Variants in SLC9A9 observed in about 807,000 individuals in gnomAD.
SLC9A9 encodes the protein solute carrier family 9 member A9.
In SLC9A9, 62 loss-of-function variants were observed where a neutral mutation model predicts 77.8. The observed-to-expected ratio is 0.80, with a 90% CI of 0.65 to 0.98. The LOEUF (loss-of-function observed/expected upper bound fraction) is 0.98, where lower values mean the gene tolerates loss of function less well. Among genes scored for constraint, SLC9A9 ranks in the 50% least tolerant of loss-of-function variants. The probability of loss-of-function intolerance (pLI) is 0.00; values close to 1 mark genes in which losing one functional copy is unlikely to be tolerated. For missense variants in SLC9A9, 775 were observed against 774.9 expected (o/e 1.00, Z 0.00); for synonymous variants, 320 against 283.5 (o/e 1.13, Z -1.29).
intron 14 of SLC9A9, among the ~76,000 whole-genome samples, chr3:143,333,732 C>T (rs1204341104): frequency 6.6e-6 from 1 of 152,210 alleles, no homozygotes; most frequent in Non-Finnish European, 1.5e-5. Flanking sequence ...TGTATTAATT[C>T]CTAGAAATGA....
intron 6 of SLC9A9, among the ~76,000 whole-genome samples, chr3:143,583,911 C>T (rs1301095190): frequency 6.6e-6 from 1 of 152,102 alleles, no homozygotes; most frequent in Non-Finnish European, 1.5e-5. Flanking sequence ...ATCATCTGAT[C>T]ATATGAATTT....
chr3:143,417,545 G>C (rs549611745), intron 12 of SLC9A9, among the ~76,000 whole-genome samples: 1 of 151,366 alleles, frequency 6.6e-6, no homozygotes, highest in African/African-American at 2.4e-5. Context: ...AGGGATGGAT[G>C]GAGGGAGGGA....
At chr3:143,562,220 T>G (rs1259377982) in intron 8 of SLC9A9, among the ~76,000 whole-genome samples, 2 of 152,172 alleles carry the variant, frequency 1.3e-5, no homozygotes, top group Non-Finnish European at 2.9e-5. Context: ...CATCTAAAAC[T>G]GGTAGAATAG....
At chr3:143,683,142 A>G (rs1000216552) in intron 5 of SLC9A9, among the ~76,000 whole-genome samples, 4 of 152,140 alleles carry the variant, frequency 2.6e-5, no homozygotes, top group Admixed American at 2.6e-4. Context: ...TTATTTGACC[A>G]AGGGTGGCGA....
chr3:143,319,314 T>C (rs2031330892), intron 14 of SLC9A9, among the ~76,000 whole-genome samples: 1 of 152,194 alleles, frequency 6.6e-6, no homozygotes, highest in African/African-American at 2.4e-5. Context: ...ATAAATGTCC[T>C]TTTTGACCTT....
intron 12 of SLC9A9, among the ~76,000 whole-genome samples, chr3:143,459,116 A>AG (rs949715377): frequency 1.9e-5 from 2 of 104,274 alleles, no homozygotes; most frequent in Admixed American, 9.3e-5. Flanking sequence ...ATTTCTCTAC[A>AG]GTTTTTTTTT....
chr3:143,803,320 C>G (rs2008619150), intron 2 of SLC9A9, among the ~76,000 whole-genome samples: 1 of 152,168 alleles, frequency 6.6e-6, no homozygotes, highest in African/African-American at 2.4e-5. Context: ...TTCTATTAGG[C>G]CTGTTCATCC....
chr3:143,511,686 G>T (rs192470855), intron 9 of SLC9A9, among the ~76,000 whole-genome samples: 5 of 152,230 alleles, frequency 3.3e-5, no homozygotes, highest in Admixed American at 2.6e-4. Flanking sequence ...CATAACTGGG[G>T]GTATGACGTA....
chr3:143,286,847 C>T (rs1417045489), intron 14 of SLC9A9, among the ~76,000 whole-genome samples: 1 of 152,154 alleles, frequency 6.6e-6, no homozygotes, highest in African/African-American at 2.4e-5. Flanking sequence ...GTCTGACAGA[C>T]TGTGAAACTG....
At chr3:143,314,749 G>T (rs1346413452) in intron 14 of SLC9A9, among the ~76,000 whole-genome samples, 2 of 152,160 alleles carry the variant, frequency 1.3e-5, no homozygotes, top group Non-Finnish European at 2.9e-5. Flanking sequence ...ATTTTAACTG[G>T]CCCCAGGCAA....
intron 4 of SLC9A9, among the ~76,000 whole-genome samples, chr3:143,720,005 T>C (rs1049111682): frequency 6.6e-6 from 1 of 151,966 alleles, no homozygotes; most frequent in African/African-American, 2.4e-5. Flanking sequence ...ACTTTTTCTC[T>C]CATATGTTGC....
At chr3:143,424,922 T>A (rs1413358449) in intron 12 of SLC9A9, among the ~76,000 whole-genome samples, 2 of 152,222 alleles carry the variant, frequency 1.3e-5, no homozygotes, top group Non-Finnish European at 2.9e-5. Context: ...AGGGTCCTTG[T>A]GAATTTAATG....
chr3:143,666,715 T>C (rs2039076437), intron 5 of SLC9A9, among the ~76,000 whole-genome samples: 2 of 152,054 alleles, frequency 1.3e-5, no homozygotes, highest in Admixed American at 6.6e-5. Context: ...AAAGCATGAG[T>C]GAACTCCCAT....
intron 6 of SLC9A9, among the ~76,000 whole-genome samples, chr3:143,611,150 G>A (rs1458020433): frequency 6.6e-6 from 1 of 152,014 alleles, no homozygotes; most frequent in African/African-American, 2.4e-5. Context: ...AAAAATACAA[G>A]GATTGAAATG....
chr3:143,638,486 T>G (rs1251013900), intron 6 of SLC9A9, among the ~76,000 whole-genome samples: 6 of 152,222 alleles, frequency 3.9e-5, no homozygotes, highest in Non-Finnish European at 8.8e-5. Flanking sequence ...GAGAAACTCT[T>G]GCTGTGAATC....
At chr3:143,289,160 G>A (rs1278637452) in intron 14 of SLC9A9, among the ~76,000 whole-genome samples, 3 of 152,082 alleles carry the variant, frequency 2.0e-5, no homozygotes, top group Non-Finnish European at 4.4e-5. Flanking sequence ...ATTAGCATGG[G>A]TGGGAGGGAT....
At chr3:143,640,370 CAT>C (rs1366685756) in intron 6 of SLC9A9, among the ~76,000 whole-genome samples, 1 of 152,134 alleles carries the variant, frequency 6.6e-6, no homozygotes, top group African/African-American at 2.4e-5. Flanking sequence ...ACTTCTGCCT[CAT>C]GTGTACTGTA....
At chr3:143,399,701 A>G (rs1166859338) in intron 12 of SLC9A9, among the ~76,000 whole-genome samples, 1 of 152,182 alleles carries the variant, frequency 6.6e-6, no homozygotes, top group African/African-American at 2.4e-5. Flanking sequence ...TGGCTAATGT[A>G]ACACTCAGGC....
intron 6 of SLC9A9, among the ~76,000 whole-genome samples, chr3:143,641,599 T>C (rs968061066): frequency 1.3e-5 from 2 of 152,102 alleles, no homozygotes; most frequent in African/African-American, 2.4e-5. Context: ...TTCACCATGT[T>C]AGCCAGGATG....
Sources: allele counts gnomAD v4.1 joint callset (sites outside exome capture counted in the v4.1 genomes callset), GRCh38; gene constraint gnomAD v4.1.1; transcripts MANE v1.5; gene names NCBI Gene and HGNC (gene_info 2026-07-23, HGNC 2026-07-21).